ARHGAP33: variants seen among roughly 807,000 people sequenced by gnomAD.
ARHGAP33 encodes the protein Rho GTPase activating protein 33, also known as rho GTPase-activating protein 33.
ARHGAP33 carries 57 observed loss-of-function variants against 126.2 expected under a neutral mutation model. The observed-to-expected ratio is 0.45, with a 90% CI of 0.36 to 0.56. ARHGAP33 has a LOEUF of 0.56. Ranked by LOEUF, ARHGAP33 falls within the 20% of genes least tolerant of loss-of-function variation. The probability of loss-of-function intolerance (pLI) is 0.00; values close to 1 mark genes in which losing one functional copy is unlikely to be tolerated. For synonymous variants in ARHGAP33, 711 were observed against 755.0 expected, an observed-to-expected ratio of 0.94 and a Z score of 0.95; for missense variants, 1,500 against 1,748.3, an observed-to-expected ratio of 0.86 and a Z score of 2.53.
intron 15 of ARHGAP33, among the ~76,000 whole-genome samples, chr19:35,783,599 G>T (rs905277837): frequency 6.6e-6 from 1 of 152,170 alleles, no homozygotes; most frequent in Admixed American, 6.5e-5. Flanking sequence ...AGGGAGGCCG[G>T]TGTGGCTGGA....
chr19:35,787,815 A>C lies in ARHGAP33; in HGVS notation c.3250A>C (p.Asn1084His). The part of the protein sequence containing the change: ...GPPAPLDRGE[N>H]LYYEIGASEG... ...CCCTGCACCACTCGACAGGGGAGAG[A>C]ACCTGTACTATGAGATCGGGGCAAG... Residue 1084 changes from asparagine to histidine, a missense_variant, in exon 21 of 21, where the codon AAC becomes CAC. Physicochemically the swap from Asn to His is moderately conservative, Grantham distance 68 (BLOSUM62 1). This residue lies in a region of ARHGAP33 where 642 missense variants were observed against 634.0 expected (regional missense o/e 1.01). Transcript: ENST00000007510. 6.2e-7 allele frequency: 1 copy of C among 1,603,896 alleles called. No homozygotes were observed.
Position 35,788,574 on chromosome 19 carries a change from A to C in ARHGAP33, c.*145A>C. On this transcript the variant is annotated 3_prime_UTR_variant, in exon 21 of 21. Coordinates refer to ENST00000007510, the MANE Select transcript of ARHGAP33 (RefSeq NM_001366178.1). ...AACTTGCTTCTGATGTGGGTCCCTA[A>C]CCTATAATCTCAGCTTCCCTACCCT... The C allele has an allele frequency of 1.4e-6, 1 of 693,330 alleles. No homozygotes were observed. The highest frequency in any genetic ancestry group is 3.6e-5 in the Admixed American group (1 of 28,144). 42.9% of individuals were successfully genotyped at this position (693,330 alleles called of 1,614,324 possible).
At position 35,787,457 on chromosome 19, in the gene ARHGAP33, G is replaced by A. The variant is rs561299053; in HGVS notation, c.2892G>A (p.Pro964=). ...TAGCACACCCGGGTGCCTGGGTCCC[G>A]GGACCCCCACCCTACTTACCAAGGC... ...NSLAHPGAWV[P]GPPPYLPRQQ... is the part of the protein sequence containing the mutation. The change falls in exon 21 of 21, where the codon CCG becomes CCA. Residue 964 remains proline, a synonymous_variant. Coordinates refer to ENST00000007510, the MANE Select transcript of ARHGAP33 (RefSeq NM_001366178.1). The A allele has an allele frequency of 5.1e-5, 83 of 1,612,106 alleles. No homozygotes were observed. Among genetic ancestry groups the A allele is most frequent in the South Asian group, 1.3e-4 (12 of 91,004 alleles).
chr19:35,784,452 C>T (rs1971982486), intron 16 of ARHGAP33, 135 bp downstream of exon 16: 2 of 1,414,364 alleles, frequency 1.4e-6, no homozygotes, highest in Admixed American at 2.8e-5. Context: ...GAGGATCCCG[C>T]CCCGGCCTCT....
At position 35,777,653 on chromosome 19, in the gene ARHGAP33, C is replaced by A; in HGVS notation, c.15C>A (p.Ser5Arg). 6.4e-7 allele frequency: 1 copy of A among 1,572,486 alleles called. No individual in the cohort carries two copies. Among genetic ancestry groups the A allele is most frequent in the Non-Finnish European group, 8.6e-7 (1 of 1,158,152 alleles). ...TTCTTTCTGCTCTACAGGCACGCAG[C>A]ACTGACAGCCTGGATGGCCCAGGGG... MVAR[S>R]TDSLDGPGEG... Residue 5 changes from serine (S) to arginine (R), a missense_variant, in exon 2 of 21, where the codon AGC becomes AGA. By Grantham distance (110) the Ser-to-Arg change is moderately radical. Coordinates refer to ENST00000007510, the MANE Select transcript of ARHGAP33 (RefSeq NM_001366178.1).
At chr19:35,778,389 T>G in intron 4 of ARHGAP33, 29 bp downstream of exon 4, 1 of 1,614,178 alleles carries the variant, frequency 6.2e-7, no homozygotes, top group East Asian at 2.2e-5. Flanking sequence ...TCATCTAGCC[T>G]GAGAGAATGG....
Position 35,785,432 on chromosome 19 carries a change from C to T in ARHGAP33, c.1891C>T (p.Leu631=), listed in dbSNP as rs375369611. 2.7e-5 allele frequency: 43 copies of T among 1,614,088 alleles called. No homozygotes were observed. The highest frequency in any genetic ancestry group is 3.5e-5 in the Non-Finnish European group (41 of 1,180,024). The change falls in exon 19 of 21, where the codon CTG becomes TTG. Residue 631 remains leucine (L), a synonymous_variant. Transcript: ENST00000007510. ...AGGCAGCAGACCCGACACCGTCACA[C>T]TGAGATCTGCCAAGAGCGAGGAGTC... The part of the protein sequence containing the change: ...PSGSRPDTVT[L]RSAKSEESLS...
chr19:35,781,374 G>T, intron 12 of ARHGAP33, 122 bp downstream of exon 12: 1 of 967,548 alleles, frequency 1.0e-6, no homozygotes, highest in East Asian at 2.5e-5. Context: ...TCAAGGCTGG[G>T]GTCAGGGACA....
chr19:35,782,854 C>T lies in ARHGAP33; in HGVS notation c.1406C>T (p.Ala469Val). The T allele has an allele frequency of 1.2e-6, 2 of 1,612,778 alleles. No homozygotes were observed. Among genetic ancestry groups the T allele is most frequent in the Non-Finnish European group, 1.7e-6 (2 of 1,179,362 alleles). Residue 469 changes from alanine to valine, a missense_variant, in exon 15 of 21, where the codon GCA becomes GTA. By Grantham distance (64) the Ala-to-Val change is moderately conservative (BLOSUM62 0). This residue lies in a region of ARHGAP33 where 281 missense variants were observed against 413.7 expected (regional missense o/e 0.68). Coordinates refer to ENST00000007510, the MANE Select transcript of ARHGAP33 (RefSeq NM_001366178.1). The surrounding 1 kb of genome is among the most constrained non-coding windows in gnomAD (Gnocchi z 4.1). ...GCCCGCAACCTGGCCATTGTCTGGG[C>T]ACCCAACCTGCTACGGTGAGCTGCT... ...MHARNLAIVW[A>V]PNLLRSMELE... is the part of the protein sequence containing the mutation.
In ARHGAP33 at chr19:35,786,498, G is replaced by C. The variant is rs1972115816; in HGVS notation, c.2028G>C (p.Glu676Asp). 1.3e-6 allele frequency: 2 copies of C among 1,535,990 alleles called. No individual in the cohort carries two copies. Among genetic ancestry groups the C allele is most frequent in the South Asian group, 1.2e-5 (1 of 84,056 alleles). ...PVGPAPAGSC[E>D]SLSSSSSSES... ...GCCCAGCACCTGCTGGCTCCTGCGA[G>C]AGCCTGTCCTCGTCCTCCTCCTCCG... The change falls in exon 20 of 21, where the codon GAG (glutamate) becomes GAC (aspartate). Residue 676 changes from glutamate (E) to aspartate (D), a missense_variant. Physicochemically the swap from Glu to Asp is conservative, Grantham distance 45. Coordinates refer to ENST00000007510, the MANE Select transcript of ARHGAP33 (RefSeq NM_001366178.1). This position sits in a 1 kb window ranked among gnomAD's most constrained non-coding sequence, Gnocchi z 7.0.
intron 1 of ARHGAP33, among the ~76,000 whole-genome samples, chr19:35,775,950 G>C (rs1414470746): frequency 6.6e-6 from 1 of 151,854 alleles, no homozygotes; most frequent in Non-Finnish European, 1.5e-5. Flanking sequence ...CCACCCAAGT[G>C]GCCCCTGCAG....
chr19:35,777,448 C>T, intron 1 of ARHGAP33, 197 bp from the exon 2 acceptor site: 3 of 604,416 alleles, frequency 5.0e-6, no homozygotes, highest in South Asian at 3.9e-5. Context: ...CTTCTCCAGT[C>T]CCCCACCCCA....
At position 35,780,508 on chromosome 19, in the gene ARHGAP33, G is replaced by C; in HGVS notation, c.702+10G>C. 1 of 1,608,892 alleles carries C rather than the reference G, an allele frequency of 6.2e-7. No individual in the cohort carries two copies. Among genetic ancestry groups the C allele is most frequent in the African/African-American group, 1.3e-5 (1 of 74,998 alleles). On this transcript the variant is annotated intron_variant, in intron 8 of 20. Coordinates refer to ENST00000007510, the MANE Select transcript of ARHGAP33 (RefSeq NM_001366178.1). ...CAAGCGAGGCTTCCAGGTGAGTCCA[G>C]CTGGGCGCGGACAGGTGGGGCTGGG...
rs1434859067 is a variant in ARHGAP33 at position 35,782,049 on chromosome 19, G to C, written c.1086-324G>C. Among the ~76,000 whole-genome samples, 1 of 152,174 alleles carries C rather than the reference G, an allele frequency of 6.6e-6. No individual in the cohort carries two copies. The highest frequency in any genetic ancestry group is 1.5e-5 in the Non-Finnish European group (1 of 68,014). ...GCTGGGATTTTGTCCACATTTTCCAGTGCCCTCTTACAGCCAGGAGAATGG... is the reference window on the plus strand; with the variant it reads ...GCTGGGATTTTGTCCACATTTTCCACTGCCCTCTTACAGCCAGGAGAATGG... On this transcript the variant is annotated intron_variant, in intron 12 of 20. Coordinates refer to ENST00000007510, the MANE Select transcript of ARHGAP33 (RefSeq NM_001366178.1). This position sits in a 1 kb window ranked among gnomAD's most constrained non-coding sequence, Gnocchi z 4.1.
intron 3 of ARHGAP33, 111 bp from the exon 4 acceptor site, chr19:35,778,167 CCT>C (rs1303245307): frequency 9.0e-7 from 1 of 1,116,362 alleles, no homozygotes; most frequent in Non-Finnish European, 1.3e-6. Context: ...ATCACCAGGC[CCT>C]GTCCTCGGGG....
rs534114506 is a variant in ARHGAP33 at position 35,787,269 on chromosome 19, C to T, written c.2704C>T (p.Leu902=). 1.9e-6 allele frequency: 3 copies of T among 1,612,528 alleles called. No homozygotes were observed. In the African/African-American group the frequency reaches 4.0e-5, roughly 21 times the overall value. ...PPKNPARLMA[L]ALAERAQQVA... is the part of the protein sequence containing the mutation. ...TAAGAACCCAGCACGCCTCATGGCC[C>T]TGGCCCTGGCTGAGCGGGCTCAGCA... Residue 902 remains leucine (L), a synonymous_variant, in exon 21 of 21, where the codon CTG becomes TTG. Transcript: ENST00000007510.
chr19:35,782,239 G>A lies in ARHGAP33; in HGVS notation c.1086-134G>A, dbSNP rs1971831238. The A allele has an allele frequency of 7.2e-6, 7 of 973,682 alleles. No individual in the cohort carries two copies. In the Admixed American group the frequency reaches 1.4e-4, roughly 19 times the overall value. 60.3% of individuals were successfully genotyped at this position (973,682 alleles called of 1,614,324 possible). A position where few individuals can be genotyped will look rare whatever the true frequency, so the allele number is the denominator to read the frequency against. ...AGTTCAGTAAGGTTCTGCCTCTGAA[G>A]AGCCCAGTGTAGGACCTGGGGAAGA... is the stretch of plus-strand genomic sequence containing the variant. On this transcript the variant is annotated intron_variant, in intron 12 of 20. Coordinates refer to ENST00000007510, the MANE Select transcript of ARHGAP33 (RefSeq NM_001366178.1). The surrounding 1 kb of genome is among the most constrained non-coding windows in gnomAD (Gnocchi z 4.1).
Position 35,788,143 on chromosome 19 carries a change from C to A in ARHGAP33, c.3578C>A (p.Pro1193His), listed in dbSNP as rs1268756819. 3.1e-6 allele frequency: 5 copies of A among 1,611,108 alleles called. No homozygotes were observed. The South Asian group carries it at 5.5e-5, about 18-fold the overall frequency. The change falls in exon 21 of 21, where the codon CCC becomes CAC. Residue 1193 changes from proline (P) to histidine (H), a missense_variant. Around this residue, in one of 6 missense-constraint regions of ARHGAP33, gnomAD observed 642 missense variants for 634.0 expected, o/e 1.01. Coordinates refer to ENST00000007510, the MANE Select transcript of ARHGAP33 (RefSeq NM_001366178.1). ...SSSSSSPPAH[P>H]RSRSDPGPPV... ...TCCTCCTCTTCCCCTCCTGCCCACC[C>A]CCGAAGCCGTTCAGATCCCGGTCCC...
At chr19:35,778,963 G>A in intron 5 of ARHGAP33, 69 bp from the exon 6 acceptor site, 1 of 1,292,186 alleles carries the variant, frequency 7.7e-7, no homozygotes, top group Non-Finnish European at 1.1e-6. Flanking sequence ...ACGAGCTAGG[G>A]CAGTGTGGGA....
Sources: gnomAD v4.1 joint callset for allele counts (sites outside exome capture counted in the v4.1 genomes callset) on GRCh38, gnomAD v4.1.1 for gene constraint, gnomAD v4.1.1 regional missense constraint, Gnocchi (gnomAD v3.1) non-coding constraint, MANE v1.5 for transcripts, NCBI Gene and HGNC (gene_info 2026-07-23, HGNC 2026-07-21) for gene names.